Variants in NELFB observed in about 807,000 individuals in gnomAD.
NELFB encodes negative elongation factor B.
A neutral mutation model predicts 60.2 loss-of-function variants in NELFB; 34 were observed. The ratio of observed to expected loss-of-function variants is 0.56; its 90% CI spans 0.43 to 0.75. The LOEUF is 0.75. NELFB is among the 30% of genes least tolerant of loss of function. The pLI is 0.00. For synonymous variants in NELFB, 459 were observed against 382.1 expected, an observed-to-expected ratio of 1.20 and a Z score of -2.35; for missense variants, 770 against 831.6, an observed-to-expected ratio of 0.93 and a Z score of 0.91.
intron 3 of NELFB, 139 bp downstream of exon 3, chr9:137,256,567 T>C: frequency 1.2e-6 from 1 of 813,566 alleles, no homozygotes; most frequent in Non-Finnish European, 2.0e-6. Context: ...GTGAGCTCTG[T>C]GCTGACTTCT....
rs200928220 is a variant in NELFB, at chr9:137,261,948, CAG to C, written c.742-1088_742-1087del. On this transcript the variant is annotated intron_variant, in intron 4 of 12. Coordinates refer to ENST00000343053, the MANE Select transcript of NELFB (RefSeq NM_015456.5). ...TCACGTGGTTCACGTGTCCGCTTGA[CAG>C]GGGGCCCTTCCCTGCCTGGCAGCCT... is the stretch of plus-strand genomic sequence containing the variant. 2.9e-3 allele frequency among the ~76,000 whole-genome samples: 441 copies of C among 150,630 alleles called. 3 individuals are homozygous for C. The highest frequency in any genetic ancestry group is 9.9e-3 in the African/African-American group (406 of 41,080).
chr9:137,263,400 C>T (rs1253832510), intron 5 of NELFB, among the ~76,000 whole-genome samples, 178 bp downstream of exon 5: 1 of 113,224 alleles, frequency 8.8e-6, no homozygotes, highest in Non-Finnish European at 1.8e-5. Flanking sequence ...CTCCCTCCTC[C>T]CCCTCCGCCC....
chr9:137,265,691 AAAGTGCTGGGATGACAGGCTGAGCCGC>A, intron 6 of NELFB, among the ~76,000 whole-genome samples, 159 bp from the exon 7 acceptor site: 1 of 126,734 alleles, frequency 7.9e-6, no homozygotes, highest in South Asian at 2.9e-4. Flanking sequence ...CCGGCCTGCC[AAAGTGCTGGGATGACAGGCTGAGCCGC>A]CGCGCTCGGC....
chr9:137,269,063 T>C lies in NELFB; in HGVS notation c.1489+1717T>C, dbSNP rs1025648767. On this transcript the variant is annotated intron_variant, in intron 10 of 12. Transcript: ENST00000343053. This position sits in a 1 kb window ranked among gnomAD's most constrained non-coding sequence, Gnocchi z 5.3. Reference sequence around the variant, plus strand: ...GTTGCGTTGGGGATCAGGTTTCCGATGGTGAACTTGGGGACACGTCCACAC... The same window carrying C: ...GTTGCGTTGGGGATCAGGTTTCCGACGGTGAACTTGGGGACACGTCCACAC... 6.6e-6 allele frequency among the ~76,000 whole-genome samples: 1 copy of C among 151,770 alleles called. No homozygotes were observed. The highest frequency in any genetic ancestry group is 2.4e-5 in the African/African-American group (1 of 41,304).
chr9:137,265,105 CT>C (rs1205049950), intron 6 of NELFB, among the ~76,000 whole-genome samples: 2 of 148,240 alleles, frequency 1.3e-5, no homozygotes, highest in African/African-American at 5.0e-5. Context: ...TACAGTCTCC[CT>C]CAACCTCCTG....
chr9:137,264,221 C>A, intron 5 of NELFB, 24 bp from the exon 6 acceptor site: 1 of 1,547,734 alleles, frequency 6.5e-7, no homozygotes, highest in East Asian at 2.4e-5. Flanking sequence ...TTGGGCTGGT[C>A]CCGACCGTGC....
rs896933400 is a variant in NELFB, at chr9:137,267,084, T to C, written c.1380T>C (p.Thr460=). ...CAAACACACTTCCCGAAAGCTTCACTAAGTACGGGCTGTAGGGCCATGGTG... is the reference window on the plus strand; with the variant it reads ...CAAACACACTTCCCGAAAGCTTCACCAAGTACGGGCTGTAGGGCCATGGTG... Residue 460 remains threonine, a splice_region_variant and synonymous_variant, in exon 9 of 13, where the codon ACT becomes ACC. Transcript: ENST00000343053. 1 of 1,613,822 alleles carries C rather than the reference T, an allele frequency of 6.2e-7. No individual in the cohort carries two copies. Among genetic ancestry groups the C allele is most frequent in the African/African-American group, 1.3e-5 (1 of 74,922 alleles).
At chr9:137,255,854 CG>C in intron 1 of NELFB, 52 bp from the exon 2 acceptor site, 2 of 1,597,138 alleles carry the variant, frequency 1.3e-6, no homozygotes, top group South Asian at 2.2e-5. Context: ...CTCAGGACCT[CG>C]GGGTGCCCGG....
At chr9:137,262,573 A>T (rs1830462699) in intron 4 of NELFB, among the ~76,000 whole-genome samples, 1 of 152,276 alleles carries the variant, frequency 6.6e-6, no homozygotes, top group South Asian at 2.1e-4. Flanking sequence ...ATTCAAATAT[A>T]ATCATATCTA....
intron 4 of NELFB, among the ~76,000 whole-genome samples, chr9:137,260,287 T>C (rs1405729839): frequency 2.0e-5 from 3 of 151,130 alleles, no homozygotes; most frequent in Non-Finnish European, 4.4e-5. Flanking sequence ...CCTGACCTCA[T>C]GATCCACCCG....
intron 4 of NELFB, among the ~76,000 whole-genome samples, chr9:137,262,619 T>C (rs1297585003): frequency 6.6e-6 from 1 of 152,258 alleles, no homozygotes; most frequent in Non-Finnish European, 1.5e-5. Context: ...TTGCATATTT[T>C]GTTATACTGG....
chr9:137,262,032 A>T (rs1830454752), intron 4 of NELFB, among the ~76,000 whole-genome samples: 1 of 152,138 alleles, frequency 6.6e-6, no homozygotes, highest in African/African-American at 2.4e-5. Flanking sequence ...ATTTCTGCGT[A>T]TCAGAGACTT....
intron 4 of NELFB, 101 bp from the exon 5 acceptor site, chr9:137,262,936 C>G (rs1830467232): frequency 1.6e-6 from 2 of 1,282,894 alleles, no homozygotes; most frequent in East Asian, 4.8e-5. Flanking sequence ...GTAGGAAGGA[C>G]AGATGTCCAG....
At position 137,272,187 on chromosome 9, in the gene NELFB, C is replaced by T. The variant is rs776322824; in HGVS notation, c.1596C>T (p.Ser532=). 3 of 1,614,202 alleles carry T rather than the reference C, an allele frequency of 1.9e-6. No homozygotes were observed. The highest frequency in any genetic ancestry group is 1.7e-5 in the Admixed American group (1 of 60,030). ...TTGCCCTTGAGGACTTCTGCAGCAG[C>T]CTCTTCGATGGCTTCTTCCTCACCG... is the stretch of plus-strand genomic sequence containing the variant. The change falls in exon 11 of 13, where the codon AGC becomes AGT. Residue 532 remains serine (S), a synonymous_variant. Coordinates refer to ENST00000343053, the MANE Select transcript of NELFB (RefSeq NM_015456.5).
At chr9:137,265,431 C>T (rs1052570586) in intron 6 of NELFB, among the ~76,000 whole-genome samples, 9 of 120,182 alleles carry the variant, frequency 7.5e-5, no homozygotes, top group Non-Finnish European at 1.3e-4. Flanking sequence ...CTCTCTTGCC[C>T]AGGCTGGAGT....
chr9:137,272,945 C>A lies in NELFB; in HGVS notation c.*17C>A. Reference sequence around the variant, plus strand: ...CCGCTCTGAGGGCCCTCCAGACCTGCTCGGGTGCTGGGGCCATGCCGAGTC... The same window carrying A: ...CCGCTCTGAGGGCCCTCCAGACCTGATCGGGTGCTGGGGCCATGCCGAGTC... On this transcript the variant is annotated 3_prime_UTR_variant, in exon 13 of 13. Transcript: ENST00000343053. 1 of 1,497,064 alleles carries A rather than the reference C, an allele frequency of 6.7e-7. No homozygotes were observed. The highest frequency in any genetic ancestry group is 8.9e-7 in the Non-Finnish European group (1 of 1,118,856). The allele number at this position is 1,497,064 out of a possible 1,614,324, so 92.7% of individuals were successfully genotyped here. A position where few individuals can be genotyped will look rare whatever the true frequency, so the allele number is the denominator to read the frequency against.
At chr9:137,267,216 G>A (rs754256529) in intron 9 of NELFB, 24 bp from the exon 10 acceptor site, 1 of 1,595,132 alleles carries the variant, frequency 6.3e-7, no homozygotes, top group East Asian at 2.2e-5. Context: ...GGCTGAGGTG[G>A]GGCTGATGGC....
intron 1 of NELFB, 107 bp downstream of exon 1, chr9:137,255,718 G>A: frequency 1.4e-6 from 2 of 1,428,224 alleles, no homozygotes; most frequent in Non-Finnish European, 1.9e-6. Context: ...TCTGCTGGTG[G>A]CTGAGTCCTG....
At chr9:137,260,564 T>C (rs1830424705) in intron 4 of NELFB, among the ~76,000 whole-genome samples, 1 of 151,252 alleles carries the variant, frequency 6.6e-6, no homozygotes, top group African/African-American at 2.4e-5. Flanking sequence ...GTGATTCTCC[T>C]GCCTCAACCT....
Sources: gnomAD v4.1 joint callset for allele counts (sites outside exome capture counted in the v4.1 genomes callset) on GRCh38, gnomAD v4.1.1 for gene constraint, Gnocchi (gnomAD v3.1) non-coding constraint, MANE v1.5 for transcripts, NCBI Gene and HGNC (gene_info 2026-07-23, HGNC 2026-07-21) for gene names.